PIK3C2G: variants seen among roughly 807,000 people sequenced by gnomAD.
PIK3C2G encodes the protein phosphatidylinositol 3-kinase C2 domain-containing subunit gamma.
In PIK3C2G, 168 loss-of-function variants were observed where a neutral mutation model predicts 181.1. The ratio of observed to expected loss-of-function variants is 0.93; its 90% CI spans 0.82 to 1.05. PIK3C2G has a LOEUF of 1.05. PIK3C2G is among the 50% of genes least tolerant of loss of function. The pLI is 0.00. For missense variants in PIK3C2G, 1,869 were observed against 1,732.8 expected, an observed-to-expected ratio of 1.08 and a Z score of -1.40; for synonymous variants, 573 against 592.2, an observed-to-expected ratio of 0.97 and a Z score of 0.47.
chr12:18,480,275 T>C (rs1261481659), intron 18 of PIK3C2G, among the ~76,000 whole-genome samples: 1 of 152,124 alleles, frequency 6.6e-6, no homozygotes, highest in African/African-American at 2.4e-5. Context: ...CTATAAGCTA[T>C]TCACAGCAGA....
the PIK3C2G span, chr12:18,712,898 T>C: frequency 8.7e-6 from 14 of 1,613,946 alleles, no homozygotes; most frequent in Non-Finnish European, 1.2e-5. Flanking sequence ...AGTTTGCTTG[T>C]GAGTGTGTAG....
At chr12:18,337,742 C>A (rs1460456543) in intron 8 of PIK3C2G, among the ~76,000 whole-genome samples, 2 of 152,148 alleles carry the variant, frequency 1.3e-5, no homozygotes, top group African/African-American at 4.8e-5. Flanking sequence ...CCCAATGCCT[C>A]CCACCAGGCT....
At chr12:18,492,527 C>T (rs1940659794) in intron 20 of PIK3C2G, among the ~76,000 whole-genome samples, 1 of 152,142 alleles carries the variant, frequency 6.6e-6, no homozygotes, top group African/African-American at 2.4e-5. Context: ...TCTGTCTGGG[C>T]TGAAATCCAA....
chr12:18,660,598 C>T, the PIK3C2G span, among the ~76,000 whole-genome samples: 1 of 152,014 alleles, frequency 6.6e-6, no homozygotes, highest in Non-Finnish European at 1.5e-5. Context: ...CAGAAATGAC[C>T]AGAAAAGACC....
chr12:18,418,625 C>T (rs1945307608), intron 16 of PIK3C2G, among the ~76,000 whole-genome samples: 1 of 152,028 alleles, frequency 6.6e-6, no homozygotes, highest in African/African-American at 2.4e-5. Context: ...GAGTAGACAG[C>T]AGCAGAAGAA....
At chr12:18,272,467 T>A (rs1033018478) in intron 1 of PIK3C2G, among the ~76,000 whole-genome samples, 1 of 151,846 alleles carries the variant, frequency 6.6e-6, no homozygotes, top group African/African-American at 2.4e-5. Context: ...TTTTTATAAT[T>A]CATTAGTTTC....
chr12:18,351,374 T>G (rs749920979), intron 11 of PIK3C2G, among the ~76,000 whole-genome samples: 1 of 152,194 alleles, frequency 6.6e-6, no homozygotes, highest in Non-Finnish European at 1.5e-5. Flanking sequence ...TGCTTTGTTT[T>G]GTCCAGCTTA....
At chr12:18,437,140 T>A (rs1946493246) in intron 18 of PIK3C2G, among the ~76,000 whole-genome samples, 1 of 151,926 alleles carries the variant, frequency 6.6e-6, no homozygotes, top group Non-Finnish European at 1.5e-5. Flanking sequence ...AGTTAATGGA[T>A]AAGGCTTTTA....
intron 1 of PIK3C2G, among the ~76,000 whole-genome samples, chr12:18,254,475 T>C (rs1039498094): frequency 3.3e-5 from 5 of 152,128 alleles, no homozygotes; most frequent in Admixed American, 6.5e-5. Context: ...TATAAACATA[T>C]ATATTTTATT....
chr12:18,448,304 T>C (rs1199086049), intron 18 of PIK3C2G, among the ~76,000 whole-genome samples: 1 of 152,208 alleles, frequency 6.6e-6, no homozygotes, highest in Non-Finnish European at 1.5e-5. Flanking sequence ...ATATGTTTAA[T>C]ATACACACAA....
chr12:18,670,033 AC>A, the PIK3C2G span, among the ~76,000 whole-genome samples: 3 of 151,838 alleles, frequency 2.0e-5, no homozygotes, highest in African/African-American at 7.3e-5. Context: ...CTTAATTTAA[AC>A]CTAATTACCT....
chr12:18,423,920 A>G (rs745550757), intron 17 of PIK3C2G, 25 bp from the exon 18 acceptor site: 43 of 1,449,050 alleles, frequency 3.0e-5, no homozygotes, highest in Non-Finnish European at 4.1e-5. Flanking sequence ...ACTGAGAAGT[A>G]AAGTAATTGT....
the PIK3C2G span, chr12:18,693,081 C>A: frequency 1.3e-6 from 2 of 1,505,518 alleles, no homozygotes; most frequent in Non-Finnish European, 1.8e-6. Flanking sequence ...AGTGGATGAT[C>A]TGAGGGGGAC....
At chr12:18,250,626 C>G (rs80010677) in intron 1 of PIK3C2G, among the ~76,000 whole-genome samples, 304 of 152,130 alleles carry the variant, frequency 2.0e-3, no homozygotes, top group Non-Finnish European at 3.7e-3. Context: ...AATAAATGCC[C>G]TACTGCCCTT....
At chr12:18,487,873 TTAAG>T (rs72163029) in intron 18 of PIK3C2G, among the ~76,000 whole-genome samples, 14,326 of 152,182 alleles carry the variant, frequency 0.094, 922 homozygotes, top group Non-Finnish European at 0.14. Flanking sequence ...CTCAGCCTAA[TTAAG>T]TAATTTGTAA....
intron 32 of PIK3C2G, among the ~76,000 whole-genome samples, chr12:18,646,610 C>T (rs756092886): frequency 6.6e-5 from 10 of 152,094 alleles, no homozygotes; most frequent in Non-Finnish European, 1.3e-4. Flanking sequence ...AGAGGGCTGC[C>T]CTCTCAAGTT....
At chr12:18,355,093 C>T (rs774775897) in intron 11 of PIK3C2G, among the ~76,000 whole-genome samples, 26 of 152,246 alleles carry the variant, frequency 1.7e-4, no homozygotes, top group African/African-American at 5.1e-4. Flanking sequence ...CCTTCCATGA[C>T]GTGGAGGCTT....
intron 13 of PIK3C2G, among the ~76,000 whole-genome samples, chr12:18,379,695 G>T (rs1942702651): frequency 6.6e-6 from 1 of 152,182 alleles, no homozygotes; most frequent in South Asian, 2.1e-4. Flanking sequence ...TACAGCTGAA[G>T]TCTGCAGCTC....
intron 14 of PIK3C2G, among the ~76,000 whole-genome samples, chr12:18,390,101 G>A (rs1943442639): frequency 6.6e-6 from 1 of 152,134 alleles, no homozygotes; most frequent in Non-Finnish European, 1.5e-5. Flanking sequence ...ATTTTATCAT[G>A]TTGGAGTAGT....
Sources: allele counts gnomAD v4.1 joint callset (sites outside exome capture counted in the v4.1 genomes callset), GRCh38; gene constraint gnomAD v4.1.1; transcripts MANE v1.5; gene names NCBI Gene and HGNC (gene_info 2026-07-23, HGNC 2026-07-21).